SLC14A2: variants seen among roughly 807,000 people sequenced by gnomAD.
The protein encoded by SLC14A2 is urea transporter 2.
Under a neutral mutation model 104.6 loss-of-function variants are expected in SLC14A2, and 91 were observed. The observed-to-expected ratio is 0.87, with a 90% confidence interval of 0.73 to 1.04. The LOEUF is 1.04. SLC14A2 is among the 50% of genes least tolerant of loss of function. The probability of loss-of-function intolerance (pLI) is 0.00; values close to 1 mark genes in which losing one functional copy is unlikely to be tolerated. For synonymous variants in SLC14A2, 476 were observed against 466.4 expected, an observed-to-expected ratio of 1.02 and a Z score of -0.27; for missense variants, 1,189 against 1,156.0, an observed-to-expected ratio of 1.03 and a Z score of -0.41.
intron 1 of SLC14A2, among the ~76,000 whole-genome samples, chr18:45,404,013 T>C (rs2086125705): frequency 1.3e-5 from 2 of 152,212 alleles, no homozygotes; most frequent in Admixed American, 1.3e-4. Context: ...TCCATGCATT[T>C]GTGTCTTTTA....
At chr18:45,186,234 A>G in the SLC14A2 span, among the ~76,000 whole-genome samples, 1 of 152,232 alleles carries the variant, frequency 6.6e-6, no homozygotes, top group Non-Finnish European at 1.5e-5. Context: ...TAAATCTGTA[A>G]TAATAAAGAC....
chr18:45,420,728 T>A (rs2086335490), intron 1 of SLC14A2, among the ~76,000 whole-genome samples: 1 of 151,864 alleles, frequency 6.6e-6, no homozygotes, highest in South Asian at 2.1e-4. Flanking sequence ...ACAGGTGGAA[T>A]TATTTTTATT....
chr18:45,264,460 C>A (rs951138122), intron 1 of SLC14A2, among the ~76,000 whole-genome samples: 1 of 152,072 alleles, frequency 6.6e-6, no homozygotes, highest in African/African-American at 2.4e-5. Flanking sequence ...TTCGTTTTAT[C>A]TTGAGCCTTA....
intron 1 of SLC14A2, among the ~76,000 whole-genome samples, chr18:45,274,512 C>A (rs1440911931): frequency 6.6e-6 from 1 of 152,114 alleles, no homozygotes; most frequent in Admixed American, 6.6e-5. Flanking sequence ...TTTTCCAAAT[C>A]TCTGATTACT....
In SLC14A2 at chr18:45,402,677, CA is replaced by C. The variant is rs201590637; in HGVS notation, c.-124-80555del. On this transcript the variant is annotated intron_variant, in intron 1 of 20. Transcript: ENST00000586448. The stretch of plus-strand genomic sequence containing the variant: ...TTGTGAGGATTTAGCCACTCCCCTC[CA>C]CCCCAACCCCACCTGCCATTTTGGT... 1.3e-3 allele frequency among the ~76,000 whole-genome samples: 191 copies of C among 152,324 alleles called. 3 individuals are homozygous for C. In the East Asian group the frequency reaches 0.027, roughly 22 times the overall value.
chr18:45,609,543 C>G (rs1235867498), intron 2 of SLC14A2, among the ~76,000 whole-genome samples: 2 of 152,164 alleles, frequency 1.3e-5, no homozygotes, highest in African/African-American at 4.8e-5. Flanking sequence ...GGAGTTTATA[C>G]CAAGACTCCA....
intron 2 of SLC14A2, among the ~76,000 whole-genome samples, chr18:45,606,206 A>T (rs984844578): frequency 4.0e-5 from 6 of 151,862 alleles, no homozygotes; most frequent in Non-Finnish European, 2.9e-5. Context: ...CTCCTCCAAA[A>T]ATTCCTTTCT....
intron 1 of SLC14A2, among the ~76,000 whole-genome samples, chr18:45,384,578 A>G (rs1449827374): frequency 1.3e-5 from 2 of 152,122 alleles, no homozygotes; most frequent in Admixed American, 1.3e-4. Flanking sequence ...TTATGATCTA[A>G]TGTTAGGCAC....
intron 1 of SLC14A2, among the ~76,000 whole-genome samples, chr18:45,323,150 A>G (rs930468438): frequency 9.2e-5 from 14 of 152,220 alleles, no homozygotes; most frequent in Admixed American, 6.5e-5. Flanking sequence ...GAACCAAGCT[A>G]GGCTCTTGGT....
In SLC14A2 at chr18:45,240,121, G is replaced by A. The variant is rs1009177190; in HGVS notation, c.-125+26930G>A. Among the ~76,000 whole-genome samples, 6 of 105,818 alleles carry A rather than the reference G, an allele frequency of 5.7e-5. No individual in the cohort carries two copies. In the Admixed American group the frequency reaches 7.9e-4, roughly 14 times the overall value. 69.4% of individuals were successfully genotyped at this position (105,818 alleles called of 152,430 possible). On this transcript the variant is annotated intron_variant, in intron 1 of 20. Coordinates refer to the SLC14A2 transcript ENST00000586448. ...TTTTTTTTTTTTTTTTTTTTTGACCGAGTCTCACTCTGTTGCCCAGGCTGG... is the reference window on the plus strand; with the variant it reads ...TTTTTTTTTTTTTTTTTTTTTGACCAAGTCTCACTCTGTTGCCCAGGCTGG...
intron 1 of SLC14A2, among the ~76,000 whole-genome samples, chr18:45,387,249 T>G (rs182894168): frequency 6.6e-6 from 1 of 152,326 alleles, no homozygotes; most frequent in Non-Finnish European, 1.5e-5. Context: ...ATAGGCAAGG[T>G]TCTGCTACAG....
chr18:45,680,124 G>T (rs1034361527), intron 19 of SLC14A2, among the ~76,000 whole-genome samples: 1 of 152,184 alleles, frequency 6.6e-6, no homozygotes, highest in African/African-American at 2.4e-5. Context: ...CTCTGAGGGG[G>T]AATAAGGGCA....
chr18:45,455,692 ATCT>A (rs2086932278), intron 1 of SLC14A2, among the ~76,000 whole-genome samples: 1 of 152,098 alleles, frequency 6.6e-6, no homozygotes, highest in African/African-American at 2.4e-5. Flanking sequence ...CATTTGCTGC[ATCT>A]TCTGTTTTAG....
rs568772604 is a variant in SLC14A2 at position 45,565,940 on chromosome 18, T to A, written c.-34-58691T>A. Among the ~76,000 whole-genome samples, 101 of 152,326 alleles carry A rather than the reference T, an allele frequency of 6.6e-4. 1 individual carries two copies. The Middle Eastern group carries it at 0.01, about 15-fold the overall frequency. On this transcript the variant is annotated intron_variant, in intron 2 of 20. Transcript: ENST00000586448. Reference sequence around the variant, plus strand: ...CCTCAGCTCCAGCTCTATCCCCAGATAAAGTCACAAGGCACTAGAGTGTCA... The same window carrying A: ...CCTCAGCTCCAGCTCTATCCCCAGAAAAAGTCACAAGGCACTAGAGTGTCA...
the SLC14A2 span, among the ~76,000 whole-genome samples, chr18:45,196,615 A>G: frequency 6.6e-6 from 1 of 152,180 alleles, no homozygotes; most frequent in Non-Finnish European, 1.5e-5. Context: ...GGGAAGCATG[A>G]TTATAGACCA....
the SLC14A2 span, among the ~76,000 whole-genome samples, chr18:45,183,092 T>C: frequency 1.3e-5 from 2 of 152,162 alleles, no homozygotes; most frequent in African/African-American, 4.8e-5. Context: ...CCTGGGTCCA[T>C]CTGTTCATAA....
At chr18:45,656,682 G>A (rs931368095) in intron 10 of SLC14A2, among the ~76,000 whole-genome samples, 5 of 152,104 alleles carry the variant, frequency 3.3e-5, no homozygotes, top group Non-Finnish European at 7.4e-5. Flanking sequence ...TCTGACCTTT[G>A]TACTCTCTTT....
intron 1 of SLC14A2, among the ~76,000 whole-genome samples, chr18:45,258,144 C>CCTAGAGGAGAATTTGAAGGTGGA (rs1380292868): frequency 1.4e-5 from 2 of 145,030 alleles, no homozygotes; most frequent in African/African-American, 5.3e-5. Context: ...AGGCATAAAT[C>CCTAGAGGAGAATTTGAAGGTGGA]ACTTTTCCAA....
chr18:45,566,735 C>G (rs1042150509), intron 2 of SLC14A2, among the ~76,000 whole-genome samples: 2 of 152,148 alleles, frequency 1.3e-5, no homozygotes, highest in Non-Finnish European at 2.9e-5. Flanking sequence ...TAAAGGAAAA[C>G]TCTTGGGGGC....
Sources: gnomAD v4.1 joint callset for allele counts (sites outside exome capture counted in the v4.1 genomes callset) on GRCh38, gnomAD v4.1.1 for gene constraint, MANE v1.5 for transcripts, NCBI Gene and HGNC (gene_info 2026-07-23, HGNC 2026-07-21) for gene names.